Variants in NDST3 observed in about 807,000 individuals in gnomAD.
NDST3 encodes bifunctional heparan sulfate N-deacetylase/N-sulfotransferase 3.
A neutral mutation model predicts 96.1 loss-of-function variants in NDST3; 58 were observed. The ratio of observed to expected loss-of-function variants is 0.60; its 90% CI spans 0.49 to 0.75. The LOEUF is 0.75. Among genes scored for constraint, NDST3 ranks in the 30% least tolerant of loss-of-function variants. NDST3 has a pLI of 0.00. For synonymous variants in NDST3, 333 were observed against 359.7 expected (o/e 0.93, Z 0.84); for missense variants, 788 against 1,034.2 (o/e 0.76, Z 3.27).
chr4:118,139,509 G>A (rs1733394810), intron 5 of NDST3, among the ~76,000 whole-genome samples: 1 of 152,084 alleles, frequency 6.6e-6, no homozygotes, highest in South Asian at 2.1e-4. Context: ...ATAAGCGAGA[G>A]AAAATAAGAC....
At chr4:118,242,560 A>C (rs1741073732) in intron 12 of NDST3, among the ~76,000 whole-genome samples, 1 of 152,214 alleles carries the variant, frequency 6.6e-6, no homozygotes, top group South Asian at 2.1e-4. Flanking sequence ...TTTCAGAAAC[A>C]ATGTCATACA....
intron 2 of NDST3, among the ~76,000 whole-genome samples, chr4:118,097,151 T>C (rs1027397695): frequency 4.6e-5 from 7 of 152,050 alleles, no homozygotes; most frequent in Admixed American, 4.6e-4. Context: ...TTTGACCAAT[T>C]ATCTGGGCAC....
At chr4:118,070,711 A>G (rs1396624697) in intron 2 of NDST3, among the ~76,000 whole-genome samples, 3 of 149,570 alleles carry the variant, frequency 2.0e-5, no homozygotes, top group Admixed American at 1.3e-4. Flanking sequence ...GGTTTGTTAC[A>G]TATGTATACA....
At chr4:118,158,142 A>G (rs1734837831) in intron 6 of NDST3, among the ~76,000 whole-genome samples, 1 of 152,198 alleles carries the variant, frequency 6.6e-6, no homozygotes, top group African/African-American at 2.4e-5. Flanking sequence ...ATTAATAAGA[A>G]CTTAAGGTTT....
At chr4:118,114,386 G>A (rs1560652829) in intron 3 of NDST3, among the ~76,000 whole-genome samples, 2 of 152,092 alleles carry the variant, frequency 1.3e-5, no homozygotes, top group African/African-American at 4.8e-5. Flanking sequence ...TTATTTTGTT[G>A]TATACACAGC....
intron 6 of NDST3, among the ~76,000 whole-genome samples, chr4:118,151,252 G>C (rs1462958098): frequency 1.3e-5 from 2 of 152,176 alleles, no homozygotes; most frequent in African/African-American, 4.8e-5. Flanking sequence ...TGGAGTGAGA[G>C]GGGAGGGATA....
intron 4 of NDST3, among the ~76,000 whole-genome samples, chr4:118,128,559 T>C (rs1428264826): frequency 1.3e-5 from 2 of 152,132 alleles, no homozygotes; most frequent in Non-Finnish European, 2.9e-5. Context: ...ATAAACGATC[T>C]TTTTAATGTA....
rs998249720 is a variant in NDST3, at chr4:118,258,285, C to G, written c.*2573C>G. ...ACCACTCAATGTGTCTTGAAGACAG[C>G]ATCAAATTCTAGAGGACATGCATAC... On this transcript the variant is annotated 3_prime_UTR_variant, in exon 14 of 14. Transcript: ENST00000296499. The G allele has an allele frequency of 6.6e-6, 1 of 152,192 alleles. No homozygotes were observed. Among genetic ancestry groups the G allele is most frequent in the Non-Finnish European group, 1.5e-5 (1 of 68,026 alleles). 9.4% of individuals were successfully genotyped at this position (152,192 alleles called of 1,614,324 possible).
chr4:118,118,686 A>C (rs1213416973), intron 4 of NDST3, among the ~76,000 whole-genome samples: 3 of 152,164 alleles, frequency 2.0e-5, no homozygotes, highest in Non-Finnish European at 4.4e-5. Flanking sequence ...AATGGAAAAA[A>C]TTTTTAGTTA....
chr4:118,104,746 T>C (rs1203592507), intron 2 of NDST3, among the ~76,000 whole-genome samples: 1 of 152,182 alleles, frequency 6.6e-6, no homozygotes, highest in Non-Finnish European at 1.5e-5. Flanking sequence ...TTTTGATACC[T>C]ACAGAATAAA....
chr4:118,135,036 A>T (rs910371031), intron 4 of NDST3, among the ~76,000 whole-genome samples: 4 of 152,256 alleles, frequency 2.6e-5, no homozygotes, highest in African/African-American at 9.6e-5. Flanking sequence ...AAAACCTGAT[A>T]GTCTGCCTTC....
chr4:118,132,213 T>A (rs529803235), intron 4 of NDST3, among the ~76,000 whole-genome samples: 1 of 151,934 alleles, frequency 6.6e-6, no homozygotes, highest in East Asian at 1.9e-4. Context: ...AGGATTAGAG[T>A]GAAAAACATT....
chr4:118,071,721 A>T (rs1578580273), intron 2 of NDST3, among the ~76,000 whole-genome samples: 1 of 152,272 alleles, frequency 6.6e-6, no homozygotes, highest in Middle Eastern at 3.4e-3. Context: ...GCTGCCATGA[A>T]CATGCACATG....
At chr4:118,155,111 T>G (rs1734640119) in intron 6 of NDST3, among the ~76,000 whole-genome samples, 1 of 152,218 alleles carries the variant, frequency 6.6e-6, no homozygotes, top group African/African-American at 2.4e-5. Flanking sequence ...GACTTTTAAA[T>G]TTATAAAGCC....
At position 118,088,686 on chromosome 4, in the gene NDST3, A is replaced by G. The variant is rs111974934; in HGVS notation, c.982-16332A>G. ...TAAAATGTTTGTGTTCAAATTACCA[A>G]TAAGACTCGTTTTCATGAAGGGTCT... On this transcript the variant is annotated intron_variant, in intron 2 of 13. Transcript: ENST00000296499. Among the ~76,000 whole-genome samples the G allele has an allele frequency of 5.3e-4, 80 of 152,160 alleles. 1 individual carries two copies. Among genetic ancestry groups the G allele is most frequent in the African/African-American group, 1.6e-3 (66 of 41,558 alleles).
chr4:118,054,840 T>C lies in NDST3; in HGVS notation c.930T>C (p.Asp310=), dbSNP rs774764088. The C allele has an allele frequency of 6.0e-5, 97 of 1,612,638 alleles. No homozygotes were observed. The highest frequency in any genetic ancestry group is 7.8e-5 in the Non-Finnish European group (92 of 1,179,238). Residue 310 remains aspartate (D), a synonymous_variant, in exon 2 of 14, where the codon GAT becomes GAC. Coordinates refer to ENST00000296499, the MANE Select transcript of NDST3 (RefSeq NM_004784.3). ...ACAGGTACATTCTTGTGGATATTGA[T>C]GATATATTTGTGGGAAAAGAGGGAA... is the stretch of plus-strand genomic sequence containing the variant. The part of the protein sequence containing the change: ...SLDRYILVDI[D]DIFVGKEGTR...
intron 1 of NDST3, among the ~76,000 whole-genome samples, chr4:118,043,985 A>G (rs1037432526): frequency 6.6e-6 from 1 of 152,238 alleles, no homozygotes; most frequent in Non-Finnish European, 1.5e-5. Flanking sequence ...TCAGCATTTT[A>G]TAATGGCTTA....
At chr4:118,034,734 A>G (rs1724048345) in intron 1 of NDST3, 142 bp downstream of exon 1, 1 of 152,234 alleles carries the variant, frequency 6.6e-6, no homozygotes, top group Non-Finnish European at 1.5e-5. Flanking sequence ...TGAAGAAGAA[A>G]TATAGAGTAT....
At chr4:118,123,221 A>G (rs1354191789) in intron 4 of NDST3, among the ~76,000 whole-genome samples, 1 of 152,084 alleles carries the variant, frequency 6.6e-6, no homozygotes, top group East Asian at 1.9e-4. Context: ...CAGAGAGTAT[A>G]CGGTGGTTAT....
Sources: gnomAD v4.1 joint callset for allele counts (sites outside exome capture counted in the v4.1 genomes callset) on GRCh38, gnomAD v4.1.1 for gene constraint, MANE v1.5 for transcripts, NCBI Gene and HGNC (gene_info 2026-07-23, HGNC 2026-07-21) for gene names.